Variants in ZBTB20 observed in about 807,000 individuals in gnomAD.
The protein encoded by ZBTB20 is zinc finger and BTB domain-containing protein 20.
In ZBTB20, 9 loss-of-function variants were observed where a neutral mutation model predicts 56.9. That is an observed-to-expected ratio of 0.16 (90% CI 0.10 to 0.28). ZBTB20 has a LOEUF of 0.28. ZBTB20 is among the 10% of genes least tolerant of loss of function. The pLI is 1.00. For missense variants in ZBTB20, 655 were observed against 1,003.0 expected (o/e 0.65, Z 4.69); for synonymous variants, 417 against 420.7 (o/e 0.99, Z 0.11).
chr3:114,808,630 T>C (rs969933844), intron 4 of ZBTB20, among the ~76,000 whole-genome samples: 2 of 151,858 alleles, frequency 1.3e-5, no homozygotes, highest in African/African-American at 2.4e-5. Context: ...AAAAACTAAG[T>C]TTTGGTTTCA....
intron 7 of ZBTB20, among the ~76,000 whole-genome samples, chr3:114,442,086 C>T (rs1414358046): frequency 6.6e-6 from 1 of 152,122 alleles, no homozygotes; most frequent in Non-Finnish European, 1.5e-5. Flanking sequence ...ATGGATGACT[C>T]TTTGCTTTGA....
chr3:114,346,356 G>C (rs2080185344), intron 11 of ZBTB20, among the ~76,000 whole-genome samples: 1 of 151,992 alleles, frequency 6.6e-6, no homozygotes, highest in African/African-American at 2.4e-5. Context: ...TTCTAATTAA[G>C]TAACACTTTG....
At chr3:114,521,952 A>G (rs978745825) in intron 6 of ZBTB20, among the ~76,000 whole-genome samples, 1 of 152,186 alleles carries the variant, frequency 6.6e-6, no homozygotes, top group African/African-American at 2.4e-5. Context: ...CATACAACGA[A>G]TATTTACTGA....
intron 5 of ZBTB20, among the ~76,000 whole-genome samples, chr3:114,795,880 C>T (rs947563256): frequency 6.6e-6 from 1 of 151,940 alleles, no homozygotes; most frequent in African/African-American, 2.4e-5. Flanking sequence ...CTCAGTAGGG[C>T]TAAGAAATGT....
intron 7 of ZBTB20, among the ~76,000 whole-genome samples, chr3:114,497,770 C>T (rs2043451892): frequency 6.6e-6 from 1 of 152,142 alleles, no homozygotes; most frequent in Non-Finnish European, 1.5e-5. Flanking sequence ...GTTTCCAGAA[C>T]CAAGCACAGT....
intron 4 of ZBTB20, among the ~76,000 whole-genome samples, chr3:114,883,438 G>A (rs909790246): frequency 2.0e-5 from 3 of 152,136 alleles, no homozygotes; most frequent in Non-Finnish European, 4.4e-5. Flanking sequence ...CCAACTTAAA[G>A]CCACAACCAC....
At chr3:114,649,061 A>G (rs2059994562) in intron 6 of ZBTB20, among the ~76,000 whole-genome samples, 1 of 151,976 alleles carries the variant, frequency 6.6e-6, no homozygotes, top group African/African-American at 2.4e-5. Context: ...TTTCTTCCCA[A>G]ATAATACAAT....
At position 114,902,527 on chromosome 3, in the gene ZBTB20, A is replaced by C. The variant is rs778435148; in HGVS notation, c.-455-2185T>G. 8.5e-5 allele frequency among the ~76,000 whole-genome samples: 13 copies of C among 152,312 alleles called. No homozygotes were observed. In the East Asian group the frequency reaches 2.3e-3, roughly 27 times the overall value. The stretch of plus-strand genomic sequence containing the variant: ...AAAACATACACTAGGTTTATTTTTT[A>C]TATTTCTGAGCAAACACCTATCTTT... On this transcript the variant is annotated intron_variant, in intron 3 of 11. Coordinates refer to ENST00000675478, the MANE Select transcript of ZBTB20 (RefSeq NM_001348800.3).
At chr3:114,347,005 A>C (rs1367249437) in intron 11 of ZBTB20, among the ~76,000 whole-genome samples, 1 of 150,504 alleles carries the variant, frequency 6.6e-6, no homozygotes, top group Non-Finnish European at 1.5e-5. Flanking sequence ...TTCTTTCATG[A>C]ATGTGGATCA....
chr3:114,530,259 T>C (rs1201339871), intron 6 of ZBTB20, among the ~76,000 whole-genome samples: 2 of 152,234 alleles, frequency 1.3e-5, no homozygotes, highest in African/African-American at 2.4e-5. Context: ...TATAAAGGCA[T>C]ACACTTTTGA....
At chr3:114,838,608 G>A (rs757014190) in intron 4 of ZBTB20, among the ~76,000 whole-genome samples, 17 of 152,150 alleles carry the variant, frequency 1.1e-4, no homozygotes, top group Non-Finnish European at 2.2e-4. Flanking sequence ...GATCTAATAT[G>A]TAATGGGGTT....
chr3:115,031,451 T>C (rs2080675383), intron 2 of ZBTB20, among the ~76,000 whole-genome samples: 1 of 151,504 alleles, frequency 6.6e-6, no homozygotes, highest in Non-Finnish European at 1.5e-5. Context: ...CAGAATTCTA[T>C]TTACTGCTAA....
chr3:115,021,590 C>G lies in ZBTB20; in HGVS notation c.-506-47174G>C, dbSNP rs375400632. ...ATATAATGAATGCAAACTTGAGTCACTGTTCAAACATGAATATTTTCTCAA... is the reference window on the plus strand; with the variant it reads ...ATATAATGAATGCAAACTTGAGTCAGTGTTCAAACATGAATATTTTCTCAA... On this transcript the variant is annotated intron_variant, in intron 2 of 11. Transcript: ENST00000675478. Among the ~76,000 whole-genome samples the G allele has an allele frequency of 3.3e-5, 5 of 150,916 alleles. No homozygotes were observed. The East Asian group carries it at 7.8e-4, about 24-fold the overall frequency.
At chr3:114,877,405 T>C (rs2076239537) in intron 4 of ZBTB20, among the ~76,000 whole-genome samples, 1 of 152,140 alleles carries the variant, frequency 6.6e-6, no homozygotes, top group Admixed American at 6.6e-5. Context: ...AACCTTAAAA[T>C]AGCAAGATAC....
At chr3:114,342,218 T>C (rs2079835351) in intron 11 of ZBTB20, among the ~76,000 whole-genome samples, 2 of 152,208 alleles carry the variant, frequency 1.3e-5, no homozygotes, top group African/African-American at 2.4e-5. Context: ...AAATTTTTTT[T>C]CCCACTATTT....
chr3:114,682,320 G>A (rs963543610), intron 6 of ZBTB20, among the ~76,000 whole-genome samples: 2 of 152,110 alleles, frequency 1.3e-5, no homozygotes, highest in Non-Finnish European at 2.9e-5. Flanking sequence ...GATTTTAATC[G>A]TCCTCTTGTA....
At chr3:114,788,643 A>G (rs1217555022) in intron 5 of ZBTB20, among the ~76,000 whole-genome samples, 1 of 152,046 alleles carries the variant, frequency 6.6e-6, no homozygotes, top group African/African-American at 2.4e-5. Flanking sequence ...TTTTTTCCTC[A>G]CTAGTCAGAC....
chr3:114,508,966 C>T (rs2044988024), intron 6 of ZBTB20, among the ~76,000 whole-genome samples: 3 of 152,126 alleles, frequency 2.0e-5, no homozygotes, highest in African/African-American at 7.2e-5. Context: ...ATTAAGCTAA[C>T]TTTGACAACC....
chr3:114,802,560 C>T lies in ZBTB20; in HGVS notation c.-416-1386G>A, dbSNP rs571003098. Reference sequence around the variant, plus strand: ...CTGAATTAGGCTAAAAATGAACCAGCGTAAAGGCAGAAATTATGGAGGCGT... The same window carrying T: ...CTGAATTAGGCTAAAAATGAACCAGTGTAAAGGCAGAAATTATGGAGGCGT... On this transcript the variant is annotated intron_variant, in intron 4 of 11. Transcript: ENST00000675478. Among the ~76,000 whole-genome samples, 232 of 151,830 alleles carry T rather than the reference C, an allele frequency of 1.5e-3. 2 individuals are homozygous for T. Among genetic ancestry groups the T allele is most frequent in the Non-Finnish European group, 2.8e-3 (192 of 67,846 alleles).
Sources: gnomAD v4.1 joint callset for allele counts (sites outside exome capture counted in the v4.1 genomes callset) on GRCh38, gnomAD v4.1.1 for gene constraint, MANE v1.5 for transcripts, NCBI Gene and HGNC (gene_info 2026-07-23, HGNC 2026-07-21) for gene names.